CDH18: variants seen among roughly 807,000 people sequenced by gnomAD.
CDH18 encodes the protein cadherin 18.
A neutral mutation model predicts 67.9 loss-of-function variants in CDH18; 31 were observed. The observed-to-expected ratio is 0.46, with a 90% CI of 0.34 to 0.62. CDH18 has a LOEUF of 0.62. Among genes scored for constraint, CDH18 ranks in the 20% least tolerant of loss-of-function variants. The pLI, the probability that CDH18 is intolerant of heterozygous loss-of-function variation, is 0.01. For missense variants in CDH18, 890 were observed against 975.5 expected, an observed-to-expected ratio of 0.91 and a Z score of 1.17; for synonymous variants, 362 against 347.2, an observed-to-expected ratio of 1.04 and a Z score of -0.48.
intron 2 of CDH18, among the ~76,000 whole-genome samples, chr5:19,945,651 A>T (rs2150245930): frequency 6.6e-6 from 1 of 152,282 alleles, no homozygotes. Context: ...AGAGATAGAA[A>T]ATCTCAGAAA....
intron 2 of CDH18, among the ~76,000 whole-genome samples, chr5:19,994,770 GA>G (rs1735819800): frequency 9.8e-6 from 1 of 102,118 alleles, no homozygotes; most frequent in East Asian, 2.9e-4. Flanking sequence ...GAGAGAGAGA[GA>G]GAGAGAGAGA....
intron 2 of CDH18, among the ~76,000 whole-genome samples, chr5:19,994,412 T>C (rs1417062523): frequency 6.6e-6 from 1 of 151,236 alleles, no homozygotes; most frequent in Non-Finnish European, 1.5e-5. Flanking sequence ...TTAATAACTT[T>C]CTCTATCATT....
At chr5:20,111,579 G>T (rs1269457492) in intron 2 of CDH18, among the ~76,000 whole-genome samples, 1 of 107,498 alleles carries the variant, frequency 9.3e-6, no homozygotes, top group African/African-American at 3.7e-5. Flanking sequence ...CCAGAGCCTT[G>T]CTCTGTCGCC....
intron 5 of CDH18, among the ~76,000 whole-genome samples, chr5:19,633,532 A>G (rs781489670): frequency 2.6e-5 from 4 of 152,242 alleles, no homozygotes; most frequent in Middle Eastern, 3.4e-3. Flanking sequence ...AATTATTTTG[A>G]CCATGAGGCA....
intron 11 of CDH18, among the ~76,000 whole-genome samples, chr5:19,493,672 T>A (rs573283170): frequency 6.6e-6 from 1 of 152,260 alleles, no homozygotes; most frequent in Admixed American, 6.5e-5. Context: ...AATCCTATAT[T>A]TTCAATCAAT....
At chr5:19,876,209 C>A (rs1055690005) in intron 2 of CDH18, among the ~76,000 whole-genome samples, 3 of 151,998 alleles carry the variant, frequency 2.0e-5, no homozygotes, top group Non-Finnish European at 4.4e-5. Context: ...GTGAAGAAAT[C>A]TTATTGACAA....
chr5:19,784,410 C>T (rs1775475853), intron 3 of CDH18, among the ~76,000 whole-genome samples: 1 of 152,158 alleles, frequency 6.6e-6, no homozygotes, highest in Admixed American at 6.5e-5. Context: ...CATGTTGAGA[C>T]ATGAAAATTA....
At chr5:20,495,159 A>C (rs996502667) in intron 1 of CDH18, among the ~76,000 whole-genome samples, 1 of 152,026 alleles carries the variant, frequency 6.6e-6, no homozygotes, top group Admixed American at 6.6e-5. Flanking sequence ...CCGTATGAAT[A>C]TTTGGCCATT....
At chr5:19,849,266 T>C (rs1416600654) in intron 2 of CDH18, among the ~76,000 whole-genome samples, 4 of 151,856 alleles carry the variant, frequency 2.6e-5, no homozygotes, top group Non-Finnish European at 4.4e-5. Context: ...ATTCATGGAG[T>C]AACAAGATCA....
At chr5:19,597,037 T>C (rs2150050327) in intron 6 of CDH18, among the ~76,000 whole-genome samples, 1 of 152,308 alleles carries the variant, frequency 6.6e-6, no homozygotes, top group Non-Finnish European at 1.5e-5. Flanking sequence ...CGGACATCTC[T>C]TACAAGACTA....
intron 1 of CDH18, among the ~76,000 whole-genome samples, chr5:20,521,985 T>C (rs2126524243): frequency 6.6e-6 from 1 of 152,264 alleles, no homozygotes; most frequent in African/African-American, 2.4e-5. Flanking sequence ...TATGTAATCG[T>C]GTTGTGAGAT....
chr5:19,687,655 G>A (rs1163164456), intron 5 of CDH18, among the ~76,000 whole-genome samples: 1 of 152,184 alleles, frequency 6.6e-6, no homozygotes, highest in Non-Finnish European at 1.5e-5. Context: ...ACATGCCTTA[G>A]AGACTAGACG....
chr5:20,105,236 C>T (rs1746824511), intron 2 of CDH18, among the ~76,000 whole-genome samples: 1 of 152,246 alleles, frequency 6.6e-6, no homozygotes, highest in East Asian at 1.9e-4. Flanking sequence ...ATCCACCTGC[C>T]TAGGCCTCCC....
intron 3 of CDH18, among the ~76,000 whole-genome samples, chr5:19,805,690 C>G (rs1561338036): frequency 6.6e-6 from 1 of 152,158 alleles, no homozygotes; most frequent in Non-Finnish European, 1.5e-5. Context: ...TGCCAACCAC[C>G]TTCAAATAGT....
At chr5:19,973,815 A>G (rs1263719728) in intron 2 of CDH18, among the ~76,000 whole-genome samples, 1 of 120,614 alleles carries the variant, frequency 8.3e-6, no homozygotes, top group African/African-American at 2.5e-5. Flanking sequence ...CAGGAAGGCT[A>G]GATGAGAATA....
chr5:19,650,174 G>A (rs1438813572), intron 5 of CDH18, among the ~76,000 whole-genome samples: 1 of 151,998 alleles, frequency 6.6e-6, no homozygotes, highest in East Asian at 1.9e-4. Flanking sequence ...CACAAAAGCT[G>A]CCTCTTGATG....
intron 1 of CDH18, among the ~76,000 whole-genome samples, chr5:20,351,750 T>A (rs113309623): frequency 0.024 from 3,721 of 152,210 alleles, 102 homozygotes; most frequent in African/African-American, 0.066. Context: ...CTGCCACCGG[T>A]TGGCTATTGG....
intron 1 of CDH18, among the ~76,000 whole-genome samples, chr5:20,327,767 T>C (rs570735027): frequency 6.6e-6 from 1 of 152,136 alleles, no homozygotes; most frequent in South Asian, 2.1e-4. Context: ...AATGTCCTCA[T>C]TGGGAATGTG....
chr5:19,613,402 A>T (rs1355917816), intron 5 of CDH18, among the ~76,000 whole-genome samples: 1 of 152,204 alleles, frequency 6.6e-6, no homozygotes, highest in Non-Finnish European at 1.5e-5. Flanking sequence ...GGCAGGAGGC[A>T]TATTAACACG....
Sources: gnomAD v4.1 joint callset for allele counts (sites outside exome capture counted in the v4.1 genomes callset) on GRCh38, gnomAD v4.1.1 for gene constraint, MANE v1.5 for transcripts, NCBI Gene and HGNC (gene_info 2026-07-23, HGNC 2026-07-21) for gene names.